Variants in AGFG1 observed in about 807,000 individuals in gnomAD.
AGFG1 encodes the protein ArfGAP with FG repeats 1.
In AGFG1, 10 loss-of-function variants were observed where a neutral mutation model predicts 60.6. That is an observed-to-expected ratio of 0.16 (90% CI 0.10 to 0.28). The LOEUF (loss-of-function observed/expected upper bound fraction) is 0.28, where lower values mean the gene tolerates loss of function less well. Among genes scored for constraint, AGFG1 ranks in the 10% least tolerant of loss-of-function variants. The pLI, the probability that AGFG1 is intolerant of heterozygous loss-of-function variation, is 1.00. For synonymous variants in AGFG1, 247 were observed against 242.9 expected (o/e 1.02, Z -0.16); for missense variants, 537 against 676.5 (o/e 0.79, Z 2.29).
chr2:227,482,930 G>A (rs1191211731), intron 1 of AGFG1, among the ~76,000 whole-genome samples: 2 of 149,854 alleles, frequency 1.3e-5, no homozygotes, highest in African/African-American at 2.5e-5. Context: ...CTTGAAACCA[G>A]TTAACTTGCA....
chr2:227,539,264 A>G (rs1692407359), intron 10 of AGFG1, among the ~76,000 whole-genome samples: 1 of 151,992 alleles, frequency 6.6e-6, no homozygotes, highest in Admixed American at 6.6e-5. Context: ...CCAACATGGT[A>G]AGACCCTGTC....
intron 6 of AGFG1, chr2:227,532,295 A>G: frequency 1.0e-6 from 1 of 1,004,792 alleles, no homozygotes; most frequent in Non-Finnish European, 1.4e-6. Flanking sequence ...TAGATTGTTA[A>G]TAATTCTTTA....
At chr2:227,547,949 C>G (rs1270741076) in intron 10 of AGFG1, among the ~76,000 whole-genome samples, 1 of 152,126 alleles carries the variant, frequency 6.6e-6, no homozygotes, top group Non-Finnish European at 1.5e-5. Flanking sequence ...CCCAAGTGCC[C>G]GTCAACTGAT....
rs533145193 is a variant in AGFG1, at chr2:227,475,174, T to C, written c.167+2586T>C. 7.9e-5 allele frequency among the ~76,000 whole-genome samples: 12 copies of C among 152,346 alleles called. No homozygotes were observed. In the East Asian group the frequency reaches 2.3e-3, roughly 29 times the overall value. On this transcript the variant is annotated intron_variant, in intron 1 of 12. Coordinates refer to ENST00000310078, the MANE Select transcript of AGFG1 (RefSeq NM_004504.5). ...TTTAAAAATATGAAGGGTTTATTGA[T>C]TGATTTTAAAGTAAAACTATACAGT... is the stretch of plus-strand genomic sequence containing the variant.
At chr2:227,489,071 T>TC (rs1291079968) in intron 1 of AGFG1, among the ~76,000 whole-genome samples, 2 of 151,970 alleles carry the variant, frequency 1.3e-5, no homozygotes, top group Admixed American at 6.6e-5. Flanking sequence ...CACCTTGGCC[T>TC]CCCAAAGTAC....
At chr2:227,503,747 CTGTT>C (rs970059496) in intron 2 of AGFG1, among the ~76,000 whole-genome samples, 46 of 152,302 alleles carry the variant, frequency 3.0e-4, no homozygotes, top group African/African-American at 1.0e-3. Context: ...TGCAGATTAT[CTGTT>C]TGTCATATTG....
chr2:227,506,579 AGCAC>A (rs973998681), intron 2 of AGFG1, among the ~76,000 whole-genome samples: 1 of 150,330 alleles, frequency 6.7e-6, no homozygotes, highest in African/African-American at 2.4e-5. Flanking sequence ...AAAAAAAAAA[AGCAC>A]ATAGGCACAT....
At chr2:227,514,446 G>C (rs372657761) in intron 2 of AGFG1, among the ~76,000 whole-genome samples, 42 of 152,158 alleles carry the variant, frequency 2.8e-4, no homozygotes, top group South Asian at 4.1e-4. Context: ...TTTACCTCCT[G>C]ACCCCGCAAA....
intron 2 of AGFG1, among the ~76,000 whole-genome samples, chr2:227,519,054 G>A (rs1691744148): frequency 6.6e-6 from 1 of 152,144 alleles, no homozygotes; most frequent in African/African-American, 2.4e-5. Flanking sequence ...CACTCCTGTA[G>A]TCCCAGCTTA....
intron 2 of AGFG1, among the ~76,000 whole-genome samples, chr2:227,511,452 C>T (rs1290978241): frequency 1.3e-5 from 2 of 152,110 alleles, no homozygotes; most frequent in Admixed American, 6.5e-5. Context: ...ATAGACAATA[C>T]GTAAGCAAGT....
intron 1 of AGFG1, among the ~76,000 whole-genome samples, chr2:227,473,827 A>T (rs910826114): frequency 5.3e-5 from 8 of 152,326 alleles, no homozygotes; most frequent in Admixed American, 2.6e-4. Context: ...AAGAGGCATT[A>T]TTAGTATTAC....
Position 227,561,073 on chromosome 2 carries a change from A to T in AGFG1, c.*6578A>T, listed in dbSNP as rs1179516100. The T allele has an allele frequency of 6.6e-6, 1 of 152,156 alleles. No homozygotes were observed. The highest frequency in any genetic ancestry group is 2.1e-4 in the South Asian group (1 of 4,834). The allele number at this position is 152,156 out of a possible 1,614,324, so 9.4% of individuals were successfully genotyped here. A position where few individuals can be genotyped will look rare whatever the true frequency, so the allele number is the denominator to read the frequency against. ...TTTAGTTCAGGAGGTGGTTTTAAAT[A>T]TTGGATGAAAACTTACAGGCTGTTT... On this transcript the variant is annotated 3_prime_UTR_variant, in exon 13 of 13. Transcript: ENST00000310078.
chr2:227,494,799 A>G (rs1198236213), intron 2 of AGFG1, among the ~76,000 whole-genome samples: 1 of 152,248 alleles, frequency 6.6e-6, no homozygotes, highest in African/African-American at 2.4e-5. Flanking sequence ...AAAGAAAGTC[A>G]TGCTCCAAGC....
intron 12 of AGFG1, among the ~76,000 whole-genome samples, 172 bp downstream of exon 12, chr2:227,553,967 T>C (rs1268584691): frequency 1.3e-5 from 2 of 152,212 alleles, no homozygotes; most frequent in African/African-American, 4.8e-5. Context: ...TTTTCTGACC[T>C]TTTAAAAAAT....
chr2:227,506,176 G>A (rs1691306560), intron 2 of AGFG1, among the ~76,000 whole-genome samples: 1 of 152,082 alleles, frequency 6.6e-6, no homozygotes, highest in South Asian at 2.1e-4. Context: ...CTGTTTCTTT[G>A]TATATGTAGT....
chr2:227,489,684 C>A (rs368565342), intron 1 of AGFG1, among the ~76,000 whole-genome samples: 1 of 151,986 alleles, frequency 6.6e-6, no homozygotes, highest in African/African-American at 2.4e-5. Flanking sequence ...CTTTGAAATT[C>A]GAAACAAATG....
At chr2:227,535,059 T>C in intron 8 of AGFG1, 34 bp downstream of exon 8, 1 of 1,451,594 alleles carries the variant, frequency 6.9e-7, no homozygotes, top group East Asian at 2.6e-5. Flanking sequence ...CTGCTTTGTG[T>C]TTTATCTTTT....
At chr2:227,526,289 G>T (rs1235961100) in intron 5 of AGFG1, among the ~76,000 whole-genome samples, 1 of 152,044 alleles carries the variant, frequency 6.6e-6, no homozygotes, top group African/African-American at 2.4e-5. Flanking sequence ...CGCCACCTGG[G>T]TTTAAGCTAT....
At chr2:227,492,450 T>G (rs1235233086) in intron 2 of AGFG1, among the ~76,000 whole-genome samples, 1 of 152,076 alleles carries the variant, frequency 6.6e-6, no homozygotes, top group Non-Finnish European at 1.5e-5. Context: ...TGGTTGCATC[T>G]TTGATATCCT....
Sources: allele counts gnomAD v4.1 joint callset (sites outside exome capture counted in the v4.1 genomes callset), GRCh38; gene constraint gnomAD v4.1.1; transcripts MANE v1.5; gene names NCBI Gene and HGNC (gene_info 2026-07-23, HGNC 2026-07-21).